Variants in ARHGAP23 observed in about 807,000 individuals in gnomAD.
ARHGAP23 encodes rho GTPase-activating protein 23.
A neutral mutation model predicts 136.3 loss-of-function variants in ARHGAP23; 34 were observed. The ratio of observed to expected loss-of-function variants is 0.25; its 90% CI spans 0.19 to 0.33. The LOEUF (loss-of-function observed/expected upper bound fraction) is 0.33. Ranked by LOEUF, ARHGAP23 falls within the 10% of genes least tolerant of loss-of-function variation. The pLI, the probability that ARHGAP23 is intolerant of heterozygous loss-of-function variation, is 1.00. For missense variants in ARHGAP23, 1,808 were observed against 2,139.0 expected (o/e 0.85, Z 3.05); for synonymous variants, 832 against 920.5 (o/e 0.90, Z 1.74).
chr17:38,453,498 G>C (rs1445187301), intron 1 of ARHGAP23, among the ~76,000 whole-genome samples: 1 of 151,116 alleles, frequency 6.6e-6, no homozygotes, highest in Non-Finnish European at 1.5e-5. Flanking sequence ...TGTGCGGGCC[G>C]GGGGAGAGTG....
chr17:38,462,046 G>A (rs111505896), intron 3 of ARHGAP23, among the ~76,000 whole-genome samples: 7,315 of 150,848 alleles, frequency 0.048, 614 homozygotes, highest in African/African-American at 0.17. Flanking sequence ...TCCACCTCCC[G>A]GGTTCAAGCA....
At chr17:38,437,971 C>T (rs2038837797) in intron 1 of ARHGAP23, among the ~76,000 whole-genome samples, 1 of 151,760 alleles carries the variant, frequency 6.6e-6, no homozygotes, top group African/African-American at 2.4e-5. Flanking sequence ...AAAGATGGTC[C>T]AGCTCTCAGG....
Position 38,466,272 on chromosome 17 carries a change from C to T in ARHGAP23, c.589C>T (p.Pro197Ser), listed in dbSNP as rs375565906. ...PICYPRKTYA[P>S]PARASTRATM... ...CTGCTACCCCCGCAAGACCTACGCC[C>T]CTCCTGCCCGGGCCTCCACCAGGGC... Residue 197 changes from proline to serine, a missense_variant, in exon 7 of 24, where the codon CCT becomes TCT. By Grantham distance (74) the Pro-to-Ser change is moderately conservative (BLOSUM62 -1). Transcript: ENST00000622683. 1.3e-6 allele frequency: 2 copies of T among 1,549,164 alleles called. No homozygotes were observed. The highest frequency in any genetic ancestry group is 4.9e-5 in the East Asian group (2 of 40,886).
At chr17:38,482,824 G>A in intron 16 of ARHGAP23, 146 bp downstream of exon 16, 1 of 1,058,098 alleles carries the variant, frequency 9.5e-7, no homozygotes, top group Non-Finnish European at 1.3e-6. Flanking sequence ...AGATGGGCAA[G>A]ATGGGACCTG....
chr17:38,435,606 G>T (rs2038777958), intron 1 of ARHGAP23, among the ~76,000 whole-genome samples: 4 of 152,158 alleles, frequency 2.6e-5, no homozygotes, highest in South Asian at 2.1e-4. Flanking sequence ...AAAATTTTTT[G>T]TTGTTGTTGT....
intron 17 of ARHGAP23, among the ~76,000 whole-genome samples, chr17:38,487,130 A>G (rs7406541): frequency 0.67 from 102,122 of 152,124 alleles, 35,859 homozygotes; most frequent in East Asian, 0.91. Flanking sequence ...AGTCGCTCTC[A>G]GGAGCTGGTG....
Position 38,469,847 on chromosome 17 carries a change from G to C in ARHGAP23, c.1917G>C (p.Arg639=). Reference sequence around the variant, plus strand: ...CTCACCCTCGACCCTCGCTTTCCAGGCGCCTGCCAAACCGCATACCCAGCC... The same window carrying C: ...CTCACCCTCGACCCTCGCTTTCCAGCCGCCTGCCAAACCGCATACCCAGCC... ...NTFRDEGRVL[R]RLPNRIPSLR... Residue 639 remains arginine (R), a splice_region_variant and synonymous_variant, in exon 10 of 24, where the codon CGG becomes CGC. Transcript: ENST00000622683. The C allele has an allele frequency of 6.4e-7, 1 of 1,551,660 alleles. No homozygotes were observed. The highest frequency in any genetic ancestry group is 1.2e-5 in the South Asian group (1 of 84,066).
rs1207792970 is a variant in ARHGAP23, at chr17:38,466,906, T to G, written c.1223T>G (p.Leu408Arg). 6.4e-7 allele frequency: 1 copy of G among 1,550,418 alleles called. No homozygotes were observed. The change falls in exon 7 of 24, where the codon CTG (leucine) becomes CGG (arginine). Residue 408 changes from leucine (L) to arginine (R), a missense_variant. By Grantham distance (102) the Leu-to-Arg change is moderately radical. Around this residue, in one of 7 missense-constraint regions of ARHGAP23, gnomAD observed 859 missense variants for 936.4 expected, o/e 0.92. Transcript: ENST00000622683. Reference sequence around the variant, plus strand: ...CCCCAGGCCCCACCCCCGTCTGGCCTGCAGGGCCTGGATGACCTCGGGTAC... The same window carrying G: ...CCCCAGGCCCCACCCCCGTCTGGCCGGCAGGGCCTGGATGACCTCGGGTAC... Reference protein sequence around the residue: ...PGPQAPPPSGLQGLDDLGYIG... With the variant: ...PGPQAPPPSGRQGLDDLGYIG...
At chr17:38,453,431 GTGTGTGT>G (rs2039231990) in intron 1 of ARHGAP23, among the ~76,000 whole-genome samples, 1 of 105,452 alleles carries the variant, frequency 9.5e-6, no homozygotes, top group Non-Finnish European at 1.9e-5. Flanking sequence ...GCGTGTGTGT[GTGTGTGT>G]GTGTGTGTGT....
rs550681577 is a variant in ARHGAP23, at chr17:38,502,572, T to TA, written c.3447+1945dup. ...GACAGACACTAAGCTTATGAAGAAA[T>TA]AGACTATCTGTCTGGCAGGTTTGGA... On this transcript the variant is annotated intron_variant, in intron 23 of 23. Transcript: ENST00000622683. 1.7e-3 allele frequency among the ~76,000 whole-genome samples: 266 copies of TA among 152,244 alleles called. 1 individual carries two copies. Among genetic ancestry groups the TA allele is most frequent in the Non-Finnish European group, 2.5e-3 (167 of 68,020 alleles).
intron 16 of ARHGAP23, among the ~76,000 whole-genome samples, 172 bp from the exon 17 acceptor site, chr17:38,485,890 G>A (rs1371447419): frequency 6.6e-6 from 1 of 152,198 alleles, no homozygotes; most frequent in Non-Finnish European, 1.5e-5. Context: ...GTGGGCACAG[G>A]ACCTCTCTGG....
In ARHGAP23 at chr17:38,502,811, G is replaced by A. The variant is rs572540811; in HGVS notation, c.3447+2183G>A. On this transcript the variant is annotated intron_variant, in intron 23 of 23. Transcript: ENST00000622683. Reference sequence around the variant, plus strand: ...TATAATCCCAACACATTTGGAGGCCGAGGCAGGAGGATCCCTTGAGCCCAG... The same window carrying A: ...TATAATCCCAACACATTTGGAGGCCAAGGCAGGAGGATCCCTTGAGCCCAG... Among the ~76,000 whole-genome samples the A allele has an allele frequency of 4.6e-5, 7 of 152,310 alleles. No homozygotes were observed. The East Asian group carries it at 1.2e-3, about 25-fold the overall frequency.
At chr17:38,438,327 A>G (rs1351601742) in intron 1 of ARHGAP23, among the ~76,000 whole-genome samples, 1 of 82,010 alleles carries the variant, frequency 1.2e-5, no homozygotes, top group Non-Finnish European at 2.7e-5. Context: ...GTCTCAAAAA[A>G]AAAAAAAAAA....
intron 23 of ARHGAP23, among the ~76,000 whole-genome samples, chr17:38,507,366 G>A (rs575746069): frequency 1.4e-4 from 21 of 152,056 alleles, no homozygotes; most frequent in South Asian, 2.1e-4. Context: ...CCTGCACCTG[G>A]ACACCTCTGG....
At chr17:38,483,517 G>A (rs542223245) in intron 16 of ARHGAP23, among the ~76,000 whole-genome samples, 8 of 152,376 alleles carry the variant, frequency 5.3e-5, no homozygotes, top group African/African-American at 1.4e-4. Flanking sequence ...TGCCCTGTCT[G>A]TTGTACTGGG....
chr17:38,504,928 C>T (rs551631267), intron 23 of ARHGAP23, among the ~76,000 whole-genome samples: 10 of 142,090 alleles, frequency 7.0e-5, no homozygotes, highest in Non-Finnish European at 1.2e-4. Context: ...CTCTCAGCTC[C>T]GTGGTGGGTG....
Position 38,465,061 on chromosome 17 carries a change from G to A in ARHGAP23, c.484-1106G>A, listed in dbSNP as rs570068338. On this transcript the variant is annotated intron_variant, in intron 6 of 23. Transcript: ENST00000622683. ...AGGGGGACCGGAGGCCCTGGCCAGG[G>A]CAACACAGTGGTCAGTGGCGGGGTT... Among the ~76,000 whole-genome samples, 14 of 149,802 alleles carry A rather than the reference G, an allele frequency of 9.3e-5. No homozygotes were observed. The South Asian group carries it at 3.1e-3, about 33-fold the overall frequency.
intron 19 of ARHGAP23, 106 bp from the exon 20 acceptor site, chr17:38,491,301 G>A (rs1378851275): frequency 6.9e-7 from 1 of 1,453,674 alleles, no homozygotes; most frequent in Non-Finnish European, 9.3e-7. Context: ...CACCCTCTAA[G>A]CTGGGGACTG....
intron 23 of ARHGAP23, among the ~76,000 whole-genome samples, chr17:38,505,205 G>A (rs2040607130): frequency 6.6e-6 from 1 of 151,434 alleles, no homozygotes; most frequent in Non-Finnish European, 1.5e-5. Context: ...ATGGGGTCTT[G>A]CTTCTTTGCG....
Sources: allele counts gnomAD v4.1 joint callset (sites outside exome capture counted in the v4.1 genomes callset), GRCh38; gene constraint gnomAD v4.1.1; regional missense constraint gnomAD v4.1.1; transcripts MANE v1.5; gene names NCBI Gene and HGNC (gene_info 2026-07-23, HGNC 2026-07-21).